The following MRPS18A variants were observed in gnomAD, a reference collection of about 807,000 sequenced individuals.
MRPS18A encodes mitochondrial ribosomal protein S18A.
In MRPS18A, 20 loss-of-function variants were observed where a neutral mutation model predicts 22.7. The observed-to-expected ratio is 0.88, with a 90% CI of 0.62 to 1.28. The LOEUF is 1.28. Among genes scored for constraint, MRPS18A ranks in the 50% most tolerant of loss-of-function variants. The pLI, the probability that MRPS18A is intolerant of heterozygous loss-of-function variation, is 0.00. For missense variants in MRPS18A, 294 were observed against 262.6 expected (o/e 1.12, Z -0.83); for synonymous variants, 106 against 99.1 (o/e 1.07, Z -0.41).
rs1401571684 is a variant in MRPS18A, at chr6:43,679,334, C to G, written c.145-709G>C. 2.2e-4 allele frequency among the ~76,000 whole-genome samples: 33 copies of G among 152,172 alleles called. 1 individual carries two copies. The highest frequency in any genetic ancestry group is 2.2e-3 in the Admixed American group (33 of 15,276). On this transcript the variant is annotated intron_variant, in intron 2 of 5. Transcript: ENST00000372133. ...CCAGGAATAGCAAGGCTGAAAAAAC[C>G]CGGGCTGTGCCATATAAGCAGATAT...
intron 1 of MRPS18A, among the ~76,000 whole-genome samples, chr6:43,685,026 T>A (rs893336503): frequency 2.0e-5 from 3 of 152,040 alleles, no homozygotes; most frequent in Admixed American, 6.6e-5. Flanking sequence ...GAGGGAACAA[T>A]AAGGGAGGCC....
At chr6:43,678,864 A>G (rs1330844756) in intron 2 of MRPS18A, among the ~76,000 whole-genome samples, 1 of 152,180 alleles carries the variant, frequency 6.6e-6, no homozygotes, top group East Asian at 1.9e-4. Flanking sequence ...AATGGAAACC[A>G]TCTGAACTTA....
chr6:43,678,181 C>T (rs1238965699), intron 3 of MRPS18A, among the ~76,000 whole-genome samples: 1 of 152,100 alleles, frequency 6.6e-6, no homozygotes, highest in Non-Finnish European at 1.5e-5. Flanking sequence ...GCTCAGGCCC[C>T]ACCCCCCGAG....
rs374121834 is a variant in MRPS18A at position 43,678,520 on chromosome 6, C to T, written c.250G>A (p.Asp84Asn). Residue 84 changes from aspartate (D) to asparagine (N), a missense_variant and splice_region_variant, in exon 3 of 6, where the codon GAC (aspartate) becomes AAC (asparagine). Physicochemically the swap from Asp to Asn is conservative, Grantham distance 23. Coordinates refer to ENST00000372133, the MANE Select transcript of MRPS18A (RefSeq NM_018135.4). ...RWNLKHKYNYDDVLLLSQFIR... is the reference protein window; with the variant it reads ...RWNLKHKYNYNDVLLLSQFIR... ...AGTGTCTCTGTACCCAGACTCACGT[C>T]ATAGTTATACTTGTGCTTCAGGTTC... The T allele has an allele frequency of 6.2e-7, 1 of 1,607,706 alleles. No individual in the cohort carries two copies. The highest frequency in any genetic ancestry group is 8.5e-7 in the Non-Finnish European group (1 of 1,174,340).
rs1323568976 is a variant in MRPS18A, at chr6:43,671,887, GAGCCCAGCGCGTC to G, written c.453_465del (p.Thr152LeufsTer26). 6.2e-7 allele frequency: 1 copy of G among 1,612,326 alleles called. No individual in the cohort carries two copies. Among genetic ancestry groups the G allele is most frequent in the East Asian group, 2.2e-5 (1 of 44,844 alleles). On this transcript the variant is annotated frameshift_variant, in exon 6 of 6. Transcript: ENST00000372133. LOFTEE classifies it high-confidence loss of function. ...TTGTAGATGGGCTTGACGGAGCCAG[GAGCCCAGCGCGTC>G]AGGTACCTGTGGAGGGAGAACAAAG...
chr6:43,676,238 T>C (rs1235153132), intron 3 of MRPS18A, among the ~76,000 whole-genome samples: 11 of 152,184 alleles, frequency 7.2e-5, no homozygotes, highest in Non-Finnish European at 1.5e-4. Context: ...GAAGCATCTT[T>C]CTTGGACAAA....
chr6:43,684,526 T>C (rs1184518744), intron 1 of MRPS18A, among the ~76,000 whole-genome samples: 1 of 152,190 alleles, frequency 6.6e-6, no homozygotes, highest in East Asian at 1.9e-4. Context: ...CCTCCCCCTT[T>C]CTTTCCCTTG....
intron 2 of MRPS18A, 141 bp downstream of exon 2, chr6:43,680,945 ATAG>A (rs1216075943): frequency 2.8e-6 from 2 of 712,624 alleles, no homozygotes; most frequent in Non-Finnish European, 4.8e-6. Context: ...AGCTTGAAAA[ATAG>A]TAGGCTGTGG....
intron 1 of MRPS18A, among the ~76,000 whole-genome samples, chr6:43,682,356 T>A (rs1320322727): frequency 6.6e-6 from 1 of 152,122 alleles, no homozygotes; most frequent in Non-Finnish European, 1.5e-5. Flanking sequence ...AAAAGGCAAT[T>A]GTAACCCAAC....
intron 1 of MRPS18A, among the ~76,000 whole-genome samples, chr6:43,686,916 G>A (rs915512758): frequency 6.6e-6 from 1 of 152,160 alleles, no homozygotes; most frequent in Non-Finnish European, 1.5e-5. Flanking sequence ...CAGTAACTGA[G>A]TCTCCCTGTA....
chr6:43,682,388 G>A (rs1774470083), intron 1 of MRPS18A, among the ~76,000 whole-genome samples: 1 of 152,192 alleles, frequency 6.6e-6, no homozygotes, highest in African/African-American at 2.4e-5. Context: ...GGCAGCATCT[G>A]TGATCACTGA....
In MRPS18A at chr6:43,685,108, C is replaced by CTTA. The variant is rs919766934; in HGVS notation, c.112+2557_112+2559dup. Among the ~76,000 whole-genome samples the CTTA allele has an allele frequency of 5.9e-5, 9 of 152,254 alleles. No individual in the cohort carries two copies. In the East Asian group the frequency reaches 1.7e-3, roughly 29 times the overall value. On this transcript the variant is annotated intron_variant, in intron 1 of 5. Coordinates refer to ENST00000372133, the MANE Select transcript of MRPS18A (RefSeq NM_018135.4). ...GCTGGCTCTACTTCCAACTCCATCA[C>CTTA]TTATTAGACAGGTGATGCTGGGCAA...
chr6:43,684,892 A>G (rs1024906706), intron 1 of MRPS18A, among the ~76,000 whole-genome samples: 3 of 152,176 alleles, frequency 2.0e-5, no homozygotes, highest in African/African-American at 7.2e-5. Flanking sequence ...TTTCCTTCAC[A>G]AGGGCTCTAA....
chr6:43,678,403 T>C, intron 3 of MRPS18A, 115 bp downstream of exon 3: 1 of 772,848 alleles, frequency 1.3e-6, no homozygotes, highest in Non-Finnish European at 2.2e-6. Context: ...CTCCCATCTC[T>C]GGTGGTTCCA....
chr6:43,672,579 A>T, intron 5 of MRPS18A: 1 of 356,270 alleles, frequency 2.8e-6, no homozygotes, highest in Non-Finnish European at 5.9e-6. Context: ...CTCTGTCCAG[A>T]ATAAAACTTG....
intron 3 of MRPS18A, among the ~76,000 whole-genome samples, chr6:43,676,040 G>A (rs148138457): frequency 0.059 from 8,942 of 152,014 alleles, 321 homozygotes; most frequent in East Asian, 0.1. Context: ...TTGTAGAGAT[G>A]GGGTCTCGCT....
chr6:43,675,150 T>C (rs1773980287), intron 5 of MRPS18A, 52 bp downstream of exon 5: 2 of 1,430,408 alleles, frequency 1.4e-6, no homozygotes, highest in Non-Finnish European at 1.9e-6. Flanking sequence ...AGGTGCACCC[T>C]AGTTTTCCTG....
At chr6:43,677,118 C>T (rs1032237910) in intron 3 of MRPS18A, among the ~76,000 whole-genome samples, 1 of 152,176 alleles carries the variant, frequency 6.6e-6, no homozygotes, top group East Asian at 1.9e-4. Flanking sequence ...GAAGAGTGCC[C>T]TACAGTGGTT....
intron 1 of MRPS18A, among the ~76,000 whole-genome samples, chr6:43,682,307 A>G (rs60419151): frequency 0.01 from 1,569 of 152,240 alleles, 25 homozygotes; most frequent in African/African-American, 0.034. Flanking sequence ...TCAAATAAAC[A>G]AACAAACACC....
Sources: allele counts gnomAD v4.1 joint callset (sites outside exome capture counted in the v4.1 genomes callset), GRCh38; gene constraint gnomAD v4.1.1; transcripts MANE v1.5; gene names NCBI Gene and HGNC (gene_info 2026-07-23, HGNC 2026-07-21).